The following FLT1 variants were observed in gnomAD, a reference collection of about 807,000 sequenced individuals.
FLT1 encodes the protein fms related receptor tyrosine kinase 1.
FLT1 carries 49 observed loss-of-function variants against 156.3 expected under a neutral mutation model. The ratio of observed to expected loss-of-function variants is 0.31; its 90% CI spans 0.25 to 0.40. The LOEUF is 0.40. Among genes scored for constraint, FLT1 ranks in the 10% least tolerant of loss-of-function variants. The probability of loss-of-function intolerance (pLI) is 1.00; values close to 1 mark genes in which losing one functional copy is unlikely to be tolerated. For missense variants in FLT1, 1,322 were observed against 1,637.2 expected (o/e 0.81, Z 3.32); for synonymous variants, 594 against 583.8 (o/e 1.02, Z -0.25).
chr13:28,479,029 T>C (rs1183409195), intron 1 of FLT1, among the ~76,000 whole-genome samples: 1 of 152,206 alleles, frequency 6.6e-6, no homozygotes, highest in Admixed American at 6.5e-5. Flanking sequence ...TGATACAGTT[T>C]ATGAAGTCCA....
intron 25 of FLT1, among the ~76,000 whole-genome samples, chr13:28,313,608 G>A (rs543300975): frequency 6.6e-6 from 1 of 152,214 alleles, no homozygotes; most frequent in South Asian, 2.1e-4. Context: ...CTACCACAGG[G>A]CAATAAATAT....
chr13:28,352,336 G>A (rs1872756772), intron 15 of FLT1, among the ~76,000 whole-genome samples: 1 of 152,152 alleles, frequency 6.6e-6, no homozygotes, highest in Admixed American at 6.6e-5. Flanking sequence ...TTAAAATAGT[G>A]CACTGCATGT....
At chr13:28,305,930 TA>T (rs747751963) in intron 29 of FLT1, among the ~76,000 whole-genome samples, 1 of 152,098 alleles carries the variant, frequency 6.6e-6, no homozygotes, top group Non-Finnish European at 1.5e-5. Flanking sequence ...TCTAGCCCTT[TA>T]AAAAAATGGC....
At position 28,429,928 on chromosome 13, in the gene FLT1, T is replaced by G. The variant is rs113763449; in HGVS notation, c.1106+122A>C. 1.8e-3 allele frequency: 1,393 copies of G among 783,704 alleles called. 20 individuals carry two copies. In the African/African-American group the frequency reaches 0.02, roughly 11 times the overall value. 48.5% of individuals were successfully genotyped at this position (783,704 alleles called of 1,614,324 possible). On this transcript the variant is annotated intron_variant, in intron 8 of 29. Coordinates refer to ENST00000282397, the MANE Select transcript of FLT1 (RefSeq NM_002019.4). Reference sequence around the variant, plus strand: ...CCCAAGAATCTACAGAGTTCTGAGCTCTCTGGGGCTGTCTGAGGAACGTCT... The same window carrying G: ...CCCAAGAATCTACAGAGTTCTGAGCGCTCTGGGGCTGTCTGAGGAACGTCT...
At chr13:28,430,217 A>G in intron 7 of FLT1, 50 bp from the exon 8 acceptor site, 1 of 1,369,220 alleles carries the variant, frequency 7.3e-7, no homozygotes, top group African/African-American at 1.4e-5. Context: ...ATTTCCATAA[A>G]CAAAACCTTA....
chr13:28,416,601 A>C (rs1415152461), intron 10 of FLT1, among the ~76,000 whole-genome samples: 3 of 152,224 alleles, frequency 2.0e-5, no homozygotes, highest in Non-Finnish European at 4.4e-5. Flanking sequence ...TTCTGTGATA[A>C]TTAAATGAGA....
intron 3 of FLT1, among the ~76,000 whole-genome samples, chr13:28,463,554 T>C (rs1047626264): frequency 1.3e-5 from 2 of 152,240 alleles, no homozygotes; most frequent in African/African-American, 2.4e-5. Flanking sequence ...CAGATGCTTA[T>C]TGGGGCTGAA....
intron 14 of FLT1, among the ~76,000 whole-genome samples, chr13:28,377,479 C>T (rs1873889755): frequency 6.7e-6 from 1 of 148,302 alleles, no homozygotes; most frequent in African/African-American, 2.4e-5. Flanking sequence ...ATTTTTAGAC[C>T]AATTGACACG....
chr13:28,303,158 T>C lies in FLT1; in HGVS notation c.*9A>G. ...ATGTGCTTCTAGAAATAAGGCTTCGTGTCAAACTCTAGATGGGTGGGGTGG... is the reference window on the plus strand; with the variant it reads ...ATGTGCTTCTAGAAATAAGGCTTCGCGTCAAACTCTAGATGGGTGGGGTGG... On this transcript the variant is annotated 3_prime_UTR_variant, in exon 30 of 30. Transcript: ENST00000282397. 2 of 1,607,312 alleles carry C rather than the reference T, an allele frequency of 1.2e-6. No individual in the cohort carries two copies. The highest frequency in any genetic ancestry group is 2.2e-5 in the South Asian group (2 of 91,058).
At chr13:28,361,093 A>G (rs1475076596) in intron 14 of FLT1, among the ~76,000 whole-genome samples, 3 of 152,144 alleles carry the variant, frequency 2.0e-5, no homozygotes, top group Non-Finnish European at 4.4e-5. Context: ...AGCCTATCCA[A>G]TATGGTGACA....
At chr13:28,367,223 C>T (rs1873333063) in intron 14 of FLT1, among the ~76,000 whole-genome samples, 2 of 152,184 alleles carry the variant, frequency 1.3e-5, no homozygotes, top group Admixed American at 6.5e-5. Flanking sequence ...GTTCCTGGAG[C>T]TTAGAATGCA....
rs71086853 is a variant in FLT1, at chr13:28,412,350, C to CTTTCTTTCTTTTCTTTCTTTT, written c.1437-6457_1437-6456insAAAAGAAAGAAAAGAAAGAAA. ...CTTTCTTTTCTTTCTTTCTTTCTTT[C>CTTTCTTTCTTTTCTTTCTTTT]TCTTTCTTTCTTTCTTTCTTTCTTT... On this transcript the variant is annotated intron_variant, in intron 10 of 29. Transcript: ENST00000282397. Among the ~76,000 whole-genome samples, 6 of 93,810 alleles carry CTTTCTTTCTTTTCTTTCTTTT rather than the reference C, an allele frequency of 6.4e-5. No homozygotes were observed. In the South Asian group the frequency reaches 1.7e-3, roughly 26 times the overall value. 61.5% of individuals were successfully genotyped at this position (93,810 alleles called of 152,430 possible).
chr13:28,365,827 C>T (rs927119494), intron 14 of FLT1, among the ~76,000 whole-genome samples: 4 of 152,200 alleles, frequency 2.6e-5, no homozygotes, highest in Non-Finnish European at 5.9e-5. Flanking sequence ...TAACAATTCC[C>T]ATGGAAATTC....
chr13:28,386,739 A>G (rs986484693), intron 13 of FLT1: 5 of 1,054,796 alleles, frequency 4.7e-6, no homozygotes, highest in Non-Finnish European at 5.7e-6. Flanking sequence ...TTACATAGTG[A>G]AGACCCCAAA....
At chr13:28,425,730 T>G (rs553299393) in intron 10 of FLT1, among the ~76,000 whole-genome samples, 5 of 147,354 alleles carry the variant, frequency 3.4e-5, no homozygotes, top group East Asian at 3.9e-4. Flanking sequence ...AATTATTTAG[T>G]TTTTTTTTTA....
intron 4 of FLT1, among the ~76,000 whole-genome samples, chr13:28,435,764 G>C (rs936404617): frequency 1.4e-4 from 22 of 152,094 alleles, no homozygotes; most frequent in Non-Finnish European, 2.9e-5. Context: ...GTGTTCCTTG[G>C]GTTTGAAATT....
chr13:28,391,732 C>G (rs1052226070), intron 12 of FLT1, among the ~76,000 whole-genome samples: 5 of 152,200 alleles, frequency 3.3e-5, no homozygotes, highest in Admixed American at 2.6e-4. Context: ...CTCCATCTCC[C>G]AGGTGTCTCT....
chr13:28,389,529 C>T, intron 13 of FLT1: 2 of 1,425,706 alleles, frequency 1.4e-6, no homozygotes, highest in Non-Finnish European at 1.8e-6. Context: ...CCCCCCGGAG[C>T]AGCCCCCTCG....
intron 1 of FLT1, among the ~76,000 whole-genome samples, chr13:28,477,931 T>A (rs889889892): frequency 1.3e-5 from 2 of 152,224 alleles, no homozygotes; most frequent in Non-Finnish European, 2.9e-5. Context: ...GAGATGCCAT[T>A]TCAATAAACA....
Sources: gnomAD v4.1 joint callset for allele counts (sites outside exome capture counted in the v4.1 genomes callset) on GRCh38, gnomAD v4.1.1 for gene constraint, MANE v1.5 for transcripts, NCBI Gene and HGNC (gene_info 2026-07-23, HGNC 2026-07-21) for gene names.